Variants in PDE12 observed in about 807,000 individuals in gnomAD.
PDE12 encodes 2',5'-phosphodiesterase 12.
In PDE12, 26 loss-of-function variants were observed where a neutral mutation model predicts 45.4. The ratio of observed to expected loss-of-function variants is 0.57; its 90% CI spans 0.42 to 0.79. The LOEUF (loss-of-function observed/expected upper bound fraction) is 0.79, where lower values mean the gene tolerates loss of function less well. Ranked by LOEUF, PDE12 falls within the 30% of genes least tolerant of loss-of-function variation. The pLI is 0.00. For synonymous variants in PDE12, 283 were observed against 323.9 expected, an observed-to-expected ratio of 0.87 and a Z score of 1.36; for missense variants, 668 against 790.0, an observed-to-expected ratio of 0.85 and a Z score of 1.85.
the PDE12 span, among the ~76,000 whole-genome samples, chr3:57,653,675 G>A: frequency 6.6e-6 from 1 of 151,062 alleles, no homozygotes; most frequent in Non-Finnish European, 1.5e-5. Flanking sequence ...GAACCCAGGA[G>A]GCGGAGGTTG....
chr3:57,641,430 ATAATATAACAC>A, the PDE12 span, among the ~76,000 whole-genome samples: 1 of 148,402 alleles, frequency 6.7e-6, no homozygotes, highest in Non-Finnish European at 1.5e-5. Context: ...TTATTCTATA[ATAATATAACAC>A]TATAAGTATA....
the PDE12 span, among the ~76,000 whole-genome samples, chr3:57,582,185 G>A: frequency 6.6e-6 from 1 of 152,024 alleles, no homozygotes; most frequent in African/African-American, 2.4e-5. Context: ...TTTAAAGCAT[G>A]TGCCTCTGTA....
chr3:57,583,859 C>A, the PDE12 span: 2 of 1,403,550 alleles, frequency 1.4e-6, no homozygotes, highest in Non-Finnish European at 2.0e-6. Flanking sequence ...AGCATGAAAC[C>A]CACAAAGAAA....
Position 57,561,120 on chromosome 3 carries a change from A to G in PDE12, c.*1116A>G, listed in dbSNP as rs2069723650. The G allele has an allele frequency of 1.0e-6, 1 of 985,014 alleles. No homozygotes were observed. The highest frequency in any genetic ancestry group is 1.7e-5 in the African/African-American group (1 of 57,208). 61.0% of individuals were successfully genotyped at this position (985,014 alleles called of 1,614,324 possible). On this transcript the variant is annotated 3_prime_UTR_variant, in exon 3 of 3. Transcript: ENST00000311180. ...TTCAAAGTGAGTAGCAACATATTCA[A>G]CTTGATCCCATTGTCTTCAGTTACT...
the PDE12 span, among the ~76,000 whole-genome samples, chr3:57,601,136 T>A: frequency 2.4e-4 from 37 of 152,052 alleles, no homozygotes; most frequent in Middle Eastern, 3.4e-3. Context: ...ATTTTATTTT[T>A]TTTTGCTCTG....
chr3:57,651,613 A>T, the PDE12 span, among the ~76,000 whole-genome samples: 1 of 152,188 alleles, frequency 6.6e-6, no homozygotes, highest in Non-Finnish European at 1.5e-5. Context: ...TGAATATATT[A>T]AAAAACTAGT....
At chr3:57,581,509 A>C in the PDE12 span, among the ~76,000 whole-genome samples, 4 of 152,212 alleles carry the variant, frequency 2.6e-5, no homozygotes, top group Non-Finnish European at 5.9e-5. Flanking sequence ...TAACTCTTTC[A>C]AAATATATTG....
the PDE12 span, among the ~76,000 whole-genome samples, chr3:57,617,230 C>A: frequency 1.6e-4 from 23 of 147,572 alleles, no homozygotes; most frequent in South Asian, 4.7e-3. Flanking sequence ...CACAGTGAGA[C>A]CTCATCTCTA....
Position 57,557,688 on chromosome 3 carries a change from G to A in PDE12, c.1308+1G>A. 2 of 1,612,110 alleles carry A rather than the reference G, an allele frequency of 1.2e-6. No individual in the cohort carries two copies. The highest frequency in any genetic ancestry group is 1.7e-6 in the Non-Finnish European group (2 of 1,178,706). On this transcript the variant is annotated splice_donor_variant, in intron 1 of 2. Coordinates refer to ENST00000311180, the MANE Select transcript of PDE12 (RefSeq NM_177966.7). LOFTEE classifies it high-confidence loss of function. Reference sequence around the variant, plus strand: ...GCTCCAGAGATCTTCTGTTCTTCAGGTAAAGTAGTTCCGCCCGTCTCTTCA... The same window carrying A: ...GCTCCAGAGATCTTCTGTTCTTCAGATAAAGTAGTTCCGCCCGTCTCTTCA...
the PDE12 span, chr3:57,572,308 GAAGAC>G: frequency 1.3e-6 from 2 of 1,598,796 alleles, no homozygotes; most frequent in African/African-American, 2.7e-5. Context: ...ACTGTAAAGA[GAAGAC>G]AAGAAAATAC....
Position 57,561,476 on chromosome 3 carries a change from T to A in PDE12, c.*1472T>A. On this transcript the variant is annotated 3_prime_UTR_variant, in exon 3 of 3. Coordinates refer to ENST00000311180, the MANE Select transcript of PDE12 (RefSeq NM_177966.7). The stretch of plus-strand genomic sequence containing the variant: ...AAATATGAAGCCAAACTTTTTAAAA[T>A]TAGAAACTACAAATGGTTATACTGA... 1 of 984,160 alleles carries A rather than the reference T, an allele frequency of 1.0e-6. No individual in the cohort carries two copies. Among genetic ancestry groups the A allele is most frequent in the Non-Finnish European group, 1.2e-6 (1 of 828,598 alleles). The allele number at this position is 984,160 out of a possible 1,614,324, so 61.0% of individuals were successfully genotyped here.
the PDE12 span, among the ~76,000 whole-genome samples, chr3:57,648,927 T>C: frequency 6.6e-6 from 1 of 152,054 alleles, no homozygotes; most frequent in African/African-American, 2.4e-5. Flanking sequence ...GAAGATAACA[T>C]TGGAAAAAAC....
the PDE12 span, among the ~76,000 whole-genome samples, chr3:57,655,750 A>C: frequency 6.6e-6 from 1 of 152,216 alleles, no homozygotes; most frequent in Admixed American, 6.5e-5. Context: ...CCCCAAATGC[A>C]AAAAAGTCCA....
At chr3:57,574,139 T>C in the PDE12 span, among the ~76,000 whole-genome samples, 2 of 151,596 alleles carry the variant, frequency 1.3e-5, no homozygotes, top group East Asian at 3.9e-4. Context: ...TGGGGTTTCA[T>C]CATCTTGGCC....
chr3:57,557,259 C>T lies in PDE12; in HGVS notation c.880C>T (p.Leu294Phe). 1 of 1,613,980 alleles carries T rather than the reference C, an allele frequency of 6.2e-7. No homozygotes were observed. The highest frequency in any genetic ancestry group is 8.5e-7 in the Non-Finnish European group (1 of 1,180,016). ...LYTKKVTEDA[L>F]IRTVSYNILA... is the part of the protein sequence containing the mutation. The stretch of plus-strand genomic sequence containing the variant: ...CACGAAGAAGGTGACTGAGGACGCT[C>T]TCATCCGCACTGTCTCTTACAACAT... The change falls in exon 1 of 3, where the codon CTC (leucine) becomes TTC (phenylalanine). Residue 294 changes from leucine (L) to phenylalanine (F), a missense_variant. By Grantham distance (22) the Leu-to-Phe change is conservative. This residue lies in a region of PDE12 where 580 missense variants were observed against 662.9 expected (regional missense o/e 0.87). Transcript: ENST00000311180.
chr3:57,594,390 A>T, the PDE12 span, among the ~76,000 whole-genome samples: 2 of 152,330 alleles, frequency 1.3e-5, no homozygotes, highest in South Asian at 4.1e-4. Context: ...ACCTGGCCAG[A>T]AGCTATTGCT....
Position 57,561,615 on chromosome 3 carries a change from G to A in PDE12, c.*1611G>A, listed in dbSNP as rs1207342088. 2 of 985,042 alleles carry A rather than the reference G, an allele frequency of 2.0e-6. No individual in the cohort carries two copies. Among genetic ancestry groups the A allele is most frequent in the African/African-American group, 1.7e-5 (1 of 57,182 alleles). 61.0% of individuals were successfully genotyped at this position (985,042 alleles called of 1,614,324 possible). On this transcript the variant is annotated 3_prime_UTR_variant, in exon 3 of 3. Coordinates refer to ENST00000311180, the MANE Select transcript of PDE12 (RefSeq NM_177966.7). ...CTTTTTTGATGTTCAGGATAACTATGTTATCTCATTTCTGCATTTAATTAA... is the reference window on the plus strand; with the variant it reads ...CTTTTTTGATGTTCAGGATAACTATATTATCTCATTTCTGCATTTAATTAA...
the PDE12 span, among the ~76,000 whole-genome samples, chr3:57,635,236 C>A: frequency 1.4e-5 from 2 of 146,600 alleles, no homozygotes; most frequent in Admixed American, 1.3e-4. Context: ...GTTTTTGATG[C>A]CTCCTCAAAT....
At chr3:57,580,774 CTT>C in the PDE12 span, among the ~76,000 whole-genome samples, 19 of 140,712 alleles carry the variant, frequency 1.4e-4, no homozygotes, top group Non-Finnish European at 7.7e-5. Flanking sequence ...CATTTTTATT[CTT>C]TTTTTTTTTT....
Sources: gnomAD v4.1 joint callset for allele counts (sites outside exome capture counted in the v4.1 genomes callset) on GRCh38, gnomAD v4.1.1 for gene constraint, gnomAD v4.1.1 regional missense constraint, MANE v1.5 for transcripts, NCBI Gene and HGNC (gene_info 2026-07-23, HGNC 2026-07-21) for gene names.